Variants in EYS observed in about 807,000 individuals in gnomAD.
The protein encoded by EYS is EGF-like photoreceptor maintenance factor.
Under a neutral mutation model 282.1 loss-of-function variants are expected in EYS, and 250 were observed. The observed-to-expected ratio is 0.89, with a 90% CI of 0.80 to 0.98. The LOEUF is 0.98. Ranked by LOEUF, EYS falls within the 50% of genes least tolerant of loss-of-function variation. The pLI, the probability that EYS is intolerant of heterozygous loss-of-function variation, is 0.00. For synonymous variants in EYS, 1,355 were observed against 1,282.9 expected, an observed-to-expected ratio of 1.06 and a Z score of -1.20; for missense variants, 4,016 against 3,709.0, an observed-to-expected ratio of 1.08 and a Z score of -2.15.
chr6:65,155,974 C>A (rs1194617289), intron 12 of EYS, among the ~76,000 whole-genome samples: 4 of 151,352 alleles, frequency 2.6e-5, no homozygotes, highest in African/African-American at 9.7e-5. Flanking sequence ...CAAGGAAGAT[C>A]TGTATTTCAG....
At chr6:64,771,520 T>A (rs934897713) in intron 22 of EYS, among the ~76,000 whole-genome samples, 1 of 151,800 alleles carries the variant, frequency 6.6e-6, no homozygotes, top group African/African-American at 2.4e-5. Flanking sequence ...TTAAGTTTAC[T>A]GCATACATTT....
chr6:65,170,163 T>G (rs1765070564), intron 12 of EYS, among the ~76,000 whole-genome samples: 1 of 151,276 alleles, frequency 6.6e-6, no homozygotes, highest in Non-Finnish European at 1.5e-5. Flanking sequence ...AGATGTTGGA[T>G]TTTTACAGGT....
intron 22 of EYS, among the ~76,000 whole-genome samples, chr6:64,627,967 C>A (rs1582970280): frequency 6.6e-6 from 1 of 152,250 alleles, no homozygotes; most frequent in East Asian, 1.9e-4. Context: ...GTAGTCCCAG[C>A]TACTCAGGAG....
intron 2 of EYS, among the ~76,000 whole-genome samples, chr6:65,618,509 T>A (rs1766316528): frequency 1.3e-5 from 2 of 152,212 alleles, no homozygotes; most frequent in Admixed American, 1.3e-4. Context: ...AGGTTGCTTG[T>A]TCACTCTGAT....
intron 19 of EYS, among the ~76,000 whole-genome samples, chr6:64,836,987 G>A (rs143949724): frequency 1.1e-3 from 167 of 151,692 alleles, no homozygotes; most frequent in Middle Eastern, 0.01. Flanking sequence ...AAATGCTGTG[G>A]AAATTTAATG....
chr6:64,989,617 A>G (rs1283778614), intron 14 of EYS, among the ~76,000 whole-genome samples: 1 of 141,564 alleles, frequency 7.1e-6, no homozygotes, highest in African/African-American at 2.7e-5. Flanking sequence ...TTAAATAAAT[A>G]TAAATTAAAT....
At chr6:65,465,937 C>T (rs1039671877) in intron 5 of EYS, among the ~76,000 whole-genome samples, 1 of 151,738 alleles carries the variant, frequency 6.6e-6, no homozygotes, top group African/African-American at 2.4e-5. Context: ...GTGCCACTGC[C>T]CCACAGCCTG....
chr6:64,973,961 A>C (rs1489796787), intron 14 of EYS, among the ~76,000 whole-genome samples: 2 of 151,928 alleles, frequency 1.3e-5, no homozygotes, highest in African/African-American at 4.8e-5. Context: ...AAGCAAAGGA[A>C]GTTTTAAATA....
At chr6:65,194,419 A>C (rs190823945) in intron 12 of EYS, among the ~76,000 whole-genome samples, 2 of 152,074 alleles carry the variant, frequency 1.3e-5, no homozygotes, top group East Asian at 3.9e-4. Flanking sequence ...TTAAGTTTTA[A>C]AAATTAAAAT....
chr6:65,153,391 G>T (rs1391084667), intron 12 of EYS, among the ~76,000 whole-genome samples: 2 of 151,142 alleles, frequency 1.3e-5, no homozygotes, highest in Admixed American at 1.3e-4. Flanking sequence ...GTGTGTGTGT[G>T]TGTGTGTGTG....
chr6:63,927,648 CT>C (rs1562099470), intron 35 of EYS, among the ~76,000 whole-genome samples: 2 of 152,178 alleles, frequency 1.3e-5, no homozygotes, highest in Admixed American at 1.3e-4. Context: ...TCAGTAACTC[CT>C]TAACTTTAAC....
At chr6:64,841,914 C>T (rs375128970) in intron 19 of EYS, among the ~76,000 whole-genome samples, 1 of 152,082 alleles carries the variant, frequency 6.6e-6, no homozygotes, top group Non-Finnish European at 1.5e-5. Flanking sequence ...CCTAATTCCA[C>T]AGTCCTTTAT....
chr6:64,442,918 G>A (rs934756555), intron 26 of EYS, among the ~76,000 whole-genome samples: 3 of 138,952 alleles, frequency 2.2e-5, no homozygotes, highest in African/African-American at 7.8e-5. Flanking sequence ...TTGGGTGGGA[G>A]CCCTGACACA....
intron 30 of EYS, among the ~76,000 whole-genome samples, chr6:64,264,046 T>C (rs571668577): frequency 6.6e-6 from 1 of 152,282 alleles, no homozygotes; most frequent in South Asian, 2.1e-4. Context: ...CTTAATCTTC[T>C]CTATTGGTAT....
chr6:63,974,896 G>A (rs1766759047), intron 35 of EYS, among the ~76,000 whole-genome samples: 1 of 152,002 alleles, frequency 6.6e-6, no homozygotes, highest in Non-Finnish European at 1.5e-5. Context: ...AAAGTGGTTA[G>A]AAAATCAATT....
chr6:63,915,773 A>G (rs1303761867), intron 35 of EYS, among the ~76,000 whole-genome samples: 3 of 152,200 alleles, frequency 2.0e-5, no homozygotes, highest in Non-Finnish European at 4.4e-5. Flanking sequence ...GGAGGAAGTA[A>G]TTGCAGATGT....
In EYS at chr6:64,406,166, C is replaced by T. The variant is rs550913455; in HGVS notation, c.5928-17326G>A. 3.3e-5 allele frequency among the ~76,000 whole-genome samples: 5 copies of T among 152,220 alleles called. No individual in the cohort carries two copies. In the South Asian group the frequency reaches 1.0e-3, roughly 32 times the overall value. ...CCTCAGAAATACCACCACACATCTA[C>T]AACAATTTGATCTTTGACAAACCTG... On this transcript the variant is annotated intron_variant, in intron 28 of 42. Transcript: ENST00000503581.
intron 2 of EYS, among the ~76,000 whole-genome samples, chr6:65,582,211 A>AAATAAATC (rs1764900169): frequency 6.6e-6 from 1 of 150,876 alleles, no homozygotes; most frequent in Non-Finnish European, 1.5e-5. Context: ...ATAAATAAAT[A>AAATAAATC]AATAAATAAA....
chr6:65,383,268 T>A (rs536977972), intron 8 of EYS, among the ~76,000 whole-genome samples: 4 of 151,984 alleles, frequency 2.6e-5, no homozygotes, highest in Non-Finnish European at 4.4e-5. Context: ...AGCATAGAGA[T>A]CTTAGCCACA....
Sources: gnomAD v4.1 joint callset for allele counts (sites outside exome capture counted in the v4.1 genomes callset) on GRCh38, gnomAD v4.1.1 for gene constraint, MANE v1.5 for transcripts, NCBI Gene and HGNC (gene_info 2026-07-23, HGNC 2026-07-21) for gene names.